Variants in ZNF66 observed in about 807,000 individuals in gnomAD.
The protein encoded by ZNF66 is zinc finger protein 66, also known as putative zinc finger protein 66.
Under a neutral mutation model 35.2 loss-of-function variants are expected in ZNF66, and 32 were observed. The observed-to-expected ratio is 0.91, with a 90% CI of 0.69 to 1.22. The LOEUF is 1.22. Ranked by LOEUF, ZNF66 falls within the 50% of genes most tolerant of loss-of-function variation. The probability of loss-of-function intolerance (pLI) is 0.00; values close to 1 mark genes in which losing one functional copy is unlikely to be tolerated. For synonymous variants in ZNF66, 231 were observed against 181.3 expected, an observed-to-expected ratio of 1.27 and a Z score of -2.20; for missense variants, 666 against 543.1, an observed-to-expected ratio of 1.23 and a Z score of -2.25.
intron 3 of ZNF66, among the ~76,000 whole-genome samples, chr19:20,801,731 A>G (rs913117681): frequency 6.6e-6 from 1 of 151,888 alleles, no homozygotes; most frequent in African/African-American, 2.4e-5. Context: ...AACTCAGATG[A>G]TCCTCTCATT....
Position 20,776,464 on chromosome 19 carries a change from T to G in ZNF66, c.3+14T>G, listed in dbSNP as rs1323626444. ...AGCCTAGAAATGGTGAGAGTGCCGG[T>G]CCAGCATCCCGAGAGAGGTGAAGTG... On this transcript the variant is annotated intron_variant, in intron 1 of 3. Coordinates refer to ENST00000344519, the MANE Select transcript of ZNF66 (RefSeq NM_001355197.2). 6.5e-7 allele frequency: 1 copy of G among 1,549,754 alleles called. No individual in the cohort carries two copies. The highest frequency in any genetic ancestry group is 1.7e-5 in the Admixed American group (1 of 59,632).
intron 1 of ZNF66, among the ~76,000 whole-genome samples, chr19:20,792,241 A>AT (rs1473778215): frequency 6.6e-6 from 1 of 152,198 alleles, no homozygotes; most frequent in Non-Finnish European, 1.5e-5. Flanking sequence ...GCACTCAAAA[A>AT]TGTACATGTT....
chr19:20,807,321 A>G lies in ZNF66; in HGVS notation c.1721A>G (p.Ter574TrpextTer7). 2 of 644,464 alleles carry G rather than the reference A, an allele frequency of 3.1e-6. No homozygotes were observed. Among genetic ancestry groups the G allele is most frequent in the Non-Finnish European group, 5.6e-6 (2 of 357,568 alleles). 39.9% of individuals were successfully genotyped at this position (644,464 alleles called of 1,614,324 possible). Residue 574 changes from the stop codon to tryptophan (W), a stop_lost, in exon 4 of 4, where the codon TAG becomes TGG. Transcript: ENST00000344519. ...PYKCENVAKP* is the reference protein window; with the variant it reads ...PYKCENVAKPW ...AAATGTGAAAATGTGGCAAAGCCTT[A>G]GACACTCCTCTACCCTTACTAGACA...
intron 3 of ZNF66, among the ~76,000 whole-genome samples, chr19:20,802,263 G>T (rs1335410815): frequency 6.6e-6 from 1 of 152,150 alleles, no homozygotes; most frequent in Non-Finnish European, 1.5e-5. Flanking sequence ...AAAATGCAAT[G>T]AGACATTTGA....
At position 20,806,841 on chromosome 19, in the gene ZNF66, A is replaced by C. The variant is rs747334666; in HGVS notation, c.1241A>C (p.Lys414Thr). 4.8e-5 allele frequency: 63 copies of C among 1,305,108 alleles called. No individual in the cohort carries two copies. Among genetic ancestry groups the C allele is most frequent in the African/African-American group, 1.5e-5 (1 of 64,806 alleles). The allele number at this position is 1,305,108 out of a possible 1,614,324, so 80.8% of individuals were successfully genotyped here. ...TTTAAGCACTCCTCTCCCCTTTCTA[A>C]ACATAAGAGAATTCATACTGGAGAG... ...KVFKHSSPLS[K>T]HKRIHTGEKP... is the part of the protein sequence containing the mutation. The change falls in exon 4 of 4, where the codon AAA (lysine) becomes ACA (threonine). Residue 414 changes from lysine (K) to threonine (T), a missense_variant. Lys to Thr is a moderately conservative substitution (Grantham distance 78, BLOSUM62 -1). Coordinates refer to ENST00000344519, the MANE Select transcript of ZNF66 (RefSeq NM_001355197.2).
chr19:20,795,813 A>G (rs1269188034), intron 3 of ZNF66, among the ~76,000 whole-genome samples: 2 of 152,140 alleles, frequency 1.3e-5, no homozygotes, highest in Non-Finnish European at 2.9e-5. Flanking sequence ...GCCTTCCTCC[A>G]GGTCTCTTGA....
At chr19:20,790,365 T>A (rs1971325453) in intron 1 of ZNF66, among the ~76,000 whole-genome samples, 1 of 152,092 alleles carries the variant, frequency 6.6e-6, no homozygotes, top group Non-Finnish European at 1.5e-5. Flanking sequence ...TCAAAATACA[T>A]TCATGAGAGT....
chr19:20,776,594 T>G, intron 1 of ZNF66, 144 bp downstream of exon 1: 1 of 1,187,232 alleles, frequency 8.4e-7, no homozygotes, highest in Non-Finnish European at 1.2e-6. Flanking sequence ...AGATGGCGGC[T>G]ACGCTGACAG....
chr19:20,794,870 C>CTTTTT lies in ZNF66; in HGVS notation c.226+1006_226+1010dup, dbSNP rs59063566. 5.7e-4 allele frequency among the ~76,000 whole-genome samples: 75 copies of CTTTTT among 130,936 alleles called. 1 individual carries two copies. The highest frequency in any genetic ancestry group is 9.7e-4 in the Non-Finnish European group (61 of 63,094). The allele number at this position is 130,936 out of a possible 152,430, so 85.9% of individuals were successfully genotyped here. A position where few individuals can be genotyped will look rare whatever the true frequency, so the allele number is the denominator to read the frequency against. On this transcript the variant is annotated intron_variant, in intron 3 of 3. Transcript: ENST00000344519. ...AAATTGTGTGATTTACAACCAGCAA[C>CTTTTT]TTTTTTTTTTTTTTTTTTGAGAGGG...
intron 3 of ZNF66, among the ~76,000 whole-genome samples, chr19:20,802,682 A>G (rs554583288): frequency 2.2e-4 from 34 of 152,290 alleles, no homozygotes; most frequent in Admixed American, 1.6e-3. Context: ...AGTGTTCTCT[A>G]TACCTTCATT....
At chr19:20,795,942 G>A (rs972322250) in intron 3 of ZNF66, among the ~76,000 whole-genome samples, 5 of 152,150 alleles carry the variant, frequency 3.3e-5, no homozygotes, top group Non-Finnish European at 5.9e-5. Context: ...CCATGAGTAG[G>A]GGTCCTGCAG....
intron 3 of ZNF66, among the ~76,000 whole-genome samples, chr19:20,804,226 A>AATTTATTTTATTTTATTT (rs1359324043): frequency 6.6e-6 from 1 of 151,548 alleles, no homozygotes; most frequent in Non-Finnish European, 1.5e-5. Context: ...AATATTATTC[A>AATTTATTTTATTTTATTT]ATTTATTTTA....
At position 20,792,507 on chromosome 19, in the gene ZNF66, T is replaced by C; in HGVS notation, c.4-5T>C. The stretch of plus-strand genomic sequence containing the variant: ...GGTGAAAATGTGTGTGTGTATATTT[T>C]TCAGGGGCCATTGCAATTTAGAGAT... On this transcript the variant is annotated splice_region_variant and splice_polypyrimidine_tract_variant and intron_variant, in intron 1 of 3. Coordinates refer to ENST00000344519, the MANE Select transcript of ZNF66 (RefSeq NM_001355197.2). 6.6e-7 allele frequency: 1 copy of C among 1,520,248 alleles called. No individual in the cohort carries two copies. Among genetic ancestry groups the C allele is most frequent in the Non-Finnish European group, 9.0e-7 (1 of 1,105,664 alleles). The allele number at this position is 1,520,248 out of a possible 1,614,324, so 94.2% of individuals were successfully genotyped here. A position where few individuals can be genotyped will look rare whatever the true frequency, so the allele number is the denominator to read the frequency against.
intron 1 of ZNF66, among the ~76,000 whole-genome samples, chr19:20,777,430 C>CA: frequency 1.4e-5 from 2 of 145,278 alleles, no homozygotes; most frequent in Admixed American, 1.4e-4. Context: ...AGTAATTTGC[C>CA]AAAAAATGCA....
At chr19:20,799,681 T>G (rs1235266366) in intron 3 of ZNF66, among the ~76,000 whole-genome samples, 1 of 152,186 alleles carries the variant, frequency 6.6e-6, no homozygotes, top group Non-Finnish European at 1.5e-5. Context: ...TCAACATCAT[T>G]TTTTGAAGAG....
intron 3 of ZNF66, among the ~76,000 whole-genome samples, chr19:20,800,124 C>G (rs866469864): frequency 2.0e-5 from 3 of 152,124 alleles, no homozygotes; most frequent in African/African-American, 7.2e-5. Flanking sequence ...TCAAGTGATC[C>G]TTTCACCTCA....
At chr19:20,780,828 T>TA (rs1425411759) in intron 1 of ZNF66, among the ~76,000 whole-genome samples, 2 of 152,078 alleles carry the variant, frequency 1.3e-5, no homozygotes, top group Non-Finnish European at 2.9e-5. Flanking sequence ...ACTGAAAACT[T>TA]AGAGGACAGG....
In ZNF66 at chr19:20,806,176, G is replaced by A. The variant is rs1599556474; in HGVS notation, c.576G>A (p.Lys192=). The change falls in exon 4 of 4, where the codon AAG becomes AAA. Residue 192 remains lysine, a synonymous_variant. Transcript: ENST00000344519. The part of the protein sequence containing the change: ...FNRSSTFTTH[K]KIHTGEKPYK... Reference sequence around the variant, plus strand: ...GGTCCTCAACCTTTACTACACATAAGAAAATTCATACTGGAGAGAAACCCT... The same window carrying A: ...GGTCCTCAACCTTTACTACACATAAAAAAATTCATACTGGAGAGAAACCCT... 1.5e-6 allele frequency: 2 copies of A among 1,304,618 alleles called. No homozygotes were observed. The highest frequency in any genetic ancestry group is 2.4e-5 in the South Asian group (2 of 83,946). 80.8% of individuals were successfully genotyped at this position (1,304,618 alleles called of 1,614,324 possible).
In ZNF66 at chr19:20,806,663, A is replaced by G; in HGVS notation, c.1063A>G (p.Thr355Ala). 1 of 1,514,322 alleles carries G rather than the reference A, an allele frequency of 6.6e-7. No homozygotes were observed. The highest frequency in any genetic ancestry group is 9.2e-7 in the Non-Finnish European group (1 of 1,092,376). 93.8% of individuals were successfully genotyped at this position (1,514,322 alleles called of 1,614,324 possible). The change falls in exon 4 of 4, where the codon ACC becomes GCC. Residue 355 changes from threonine (T) to alanine (A), a missense_variant. Coordinates refer to ENST00000344519, the MANE Select transcript of ZNF66 (RefSeq NM_001355197.2). ...TGGCAAAGGCTTTAAGTACTCCTCT[A>G]CCCTTACTAAACATAAAATAATCCA... ...ECGKGFKYSSTLTKHKIIHTG... is the reference protein window; with the variant it reads ...ECGKGFKYSSALTKHKIIHTG...
Sources: allele counts gnomAD v4.1 joint callset (sites outside exome capture counted in the v4.1 genomes callset), GRCh38; gene constraint gnomAD v4.1.1; transcripts MANE v1.5; gene names NCBI Gene and HGNC (gene_info 2026-07-23, HGNC 2026-07-21).